ARHGAP29: variants seen among roughly 807,000 people sequenced by gnomAD.
ARHGAP29 encodes the protein rho GTPase-activating protein 29.
In ARHGAP29, 43 loss-of-function variants were observed where a neutral mutation model predicts 122.6. The observed-to-expected ratio is 0.35, with a 90% CI of 0.27 to 0.45. The LOEUF (loss-of-function observed/expected upper bound fraction) is 0.45. ARHGAP29 is among the 20% of genes least tolerant of loss of function. The probability of loss-of-function intolerance (pLI) is 1.00; values close to 1 mark genes in which losing one functional copy is unlikely to be tolerated. For missense variants in ARHGAP29, 1,303 were observed against 1,477.2 expected (o/e 0.88, Z 1.93); for synonymous variants, 506 against 497.1 (o/e 1.02, Z -0.24).
At chr1:94,256,620 C>T (rs370021845) in intron 1 of ARHGAP29, among the ~76,000 whole-genome samples, 8 of 119,380 alleles carry the variant, frequency 6.7e-5, no homozygotes, top group Admixed American at 4.5e-4. Flanking sequence ...TGCAGTGGCG[C>T]GATTCTCGGC....
chr1:94,251,132 A>C (rs1654066683), intron 1 of ARHGAP29, among the ~76,000 whole-genome samples: 1 of 151,798 alleles, frequency 6.6e-6, no homozygotes, highest in African/African-American at 2.4e-5. Flanking sequence ...TAAATTATTC[A>C]GTCCTCACAA....
In ARHGAP29 at chr1:94,169,495, G is replaced by T. The variant is rs912515931; in HGVS notation, c.*4374C>A. On this transcript the variant is annotated 3_prime_UTR_variant, in exon 23 of 23. Transcript: ENST00000260526. Reference sequence around the variant, plus strand: ...GGGAGTCAGGTTTCTATGAGAGAAGGAAGTTACAAAGATGGAAAGGGAGAC... The same window carrying T: ...GGGAGTCAGGTTTCTATGAGAGAAGTAAGTTACAAAGATGGAAAGGGAGAC... 5.3e-5 allele frequency among the ~76,000 whole-genome samples: 8 copies of T among 152,320 alleles called. No homozygotes were observed. The East Asian group carries it at 1.5e-3, about 29-fold the overall frequency.
intron 17 of ARHGAP29, 137 bp downstream of exon 17, chr1:94,185,205 A>G: frequency 8.3e-7 from 1 of 1,209,012 alleles, no homozygotes; most frequent in Non-Finnish European, 1.1e-6. Flanking sequence ...AAAATAAAAT[A>G]TAAAATTATA....
At chr1:94,223,239 T>C (rs1652424565) in intron 2 of ARHGAP29, among the ~76,000 whole-genome samples, 2 of 152,314 alleles carry the variant, frequency 1.3e-5, no homozygotes, top group African/African-American at 2.4e-5. Context: ...CCACCGCCCC[T>C]GGCCTATTTT....
At chr1:94,240,261 A>AG (rs1186603160), upstream of ARHGAP29, among the ~76,000 whole-genome samples, 1 of 152,228 alleles carries the variant, frequency 6.6e-6, no homozygotes, top group African/African-American at 2.4e-5. Flanking sequence ...AGGTTGTCTA[A>AG]GGGAAATTTT....
intron 1 of ARHGAP29, among the ~76,000 whole-genome samples, chr1:94,250,068 A>G (rs1048476808): frequency 2.6e-5 from 4 of 152,150 alleles, no homozygotes; most frequent in Non-Finnish European, 5.9e-5. Flanking sequence ...TATGATGGTC[A>G]CAAAAACCTC....
intron 1 of ARHGAP29, among the ~76,000 whole-genome samples, chr1:94,261,350 T>G (rs1396573291): frequency 1.3e-5 from 2 of 152,232 alleles, no homozygotes; most frequent in Non-Finnish European, 2.9e-5. Flanking sequence ...TAAACACTTA[T>G]TTGTGTTTAC....
intron 1 of ARHGAP29, among the ~76,000 whole-genome samples, chr1:94,255,584 G>A (rs994317099): frequency 6.6e-6 from 1 of 152,168 alleles, no homozygotes; most frequent in Admixed American, 6.5e-5. Context: ...CTTGTTAAGT[G>A]CGGCATTTCT....
At chr1:94,230,518 C>G (rs1005910326) in intron 2 of ARHGAP29, among the ~76,000 whole-genome samples, 4 of 151,772 alleles carry the variant, frequency 2.6e-5, no homozygotes, top group Non-Finnish European at 4.4e-5. Context: ...AAATTTAGTA[C>G]AAGCACAAGA....
At chr1:94,222,641 A>G (rs527342740) in intron 2 of ARHGAP29, among the ~76,000 whole-genome samples, 1 of 152,338 alleles carries the variant, frequency 6.6e-6, no homozygotes, top group Admixed American at 6.5e-5. Context: ...AACTAAATGT[A>G]ATACGATAGG....
intron 1 of ARHGAP29, chr1:94,250,380 T>G (rs1039626399): frequency 6.6e-6 from 1 of 152,210 alleles, no homozygotes; most frequent in Non-Finnish European, 1.5e-5. Flanking sequence ...CACCCTTAGA[T>G]TCTCCTCAAC....
upstream of ARHGAP29, among the ~76,000 whole-genome samples, chr1:94,279,428 C>T (rs1655282471): frequency 6.6e-6 from 1 of 152,178 alleles, no homozygotes; most frequent in African/African-American, 2.4e-5. Context: ...TCCTGACTCC[C>T]AAGAGGTGGC....
chr1:94,290,605 A>T, the ARHGAP29 span, among the ~76,000 whole-genome samples: 1 of 152,190 alleles, frequency 6.6e-6, no homozygotes, highest in African/African-American at 2.4e-5. Flanking sequence ...TGTGTCCCAG[A>T]GATTCTGGTA....
At chr1:94,258,586 T>G (rs1371694404) in intron 1 of ARHGAP29, among the ~76,000 whole-genome samples, 2 of 152,206 alleles carry the variant, frequency 1.3e-5, no homozygotes, top group Non-Finnish European at 2.9e-5. Flanking sequence ...GAAAGCCTTC[T>G]GCTTTAGGCA....
At chr1:94,216,150 T>C (rs1651944983) in intron 3 of ARHGAP29, among the ~76,000 whole-genome samples, 1 of 152,198 alleles carries the variant, frequency 6.6e-6, no homozygotes, top group Non-Finnish European at 1.5e-5. Context: ...ACATGCTTGC[T>C]GATTCAGCAA....
At chr1:94,258,571 C>A (rs112398737) in intron 1 of ARHGAP29, among the ~76,000 whole-genome samples, 24 of 152,170 alleles carry the variant, frequency 1.6e-4, no homozygotes, top group African/African-American at 5.8e-4. Flanking sequence ...GGGGCTCCCA[C>A]AGGGGAAAGC....
At chr1:94,307,421 T>A in the ARHGAP29 span, among the ~76,000 whole-genome samples, 1 of 152,194 alleles carries the variant, frequency 6.6e-6, no homozygotes, top group Non-Finnish European at 1.5e-5. Context: ...TGACCAAAAC[T>A]CCAATGGGAT....
intron 8 of ARHGAP29, 29 bp downstream of exon 8, chr1:94,203,901 A>G (rs749608438): frequency 6.2e-7 from 1 of 1,602,146 alleles, no homozygotes; most frequent in Non-Finnish European, 8.5e-7. Context: ...TTCTTATTAT[A>G]GAACCCCCGA....
chr1:94,296,037 A>G, the ARHGAP29 span, among the ~76,000 whole-genome samples: 2 of 152,228 alleles, frequency 1.3e-5, no homozygotes, highest in Non-Finnish European at 2.9e-5. Context: ...AGGAATAAAT[A>G]TAGTAGTTCC....
Sources: gnomAD v4.1 joint callset for allele counts (sites outside exome capture counted in the v4.1 genomes callset) on GRCh38, gnomAD v4.1.1 for gene constraint, MANE v1.5 for transcripts, NCBI Gene and HGNC (gene_info 2026-07-23, HGNC 2026-07-21) for gene names.